The following RPS6KA2 variants were observed in gnomAD, a reference collection of about 807,000 sequenced individuals.
RPS6KA2 encodes the protein ribosomal protein S6 kinase alpha-2.
In RPS6KA2, 42 loss-of-function variants were observed where a neutral mutation model predicts 91.8. The observed-to-expected ratio is 0.46, with a 90% CI of 0.36 to 0.59. The LOEUF (loss-of-function observed/expected upper bound fraction) is 0.59, where lower values mean the gene tolerates loss of function less well. Ranked by LOEUF, RPS6KA2 falls within the 20% of genes least tolerant of loss-of-function variation. The probability of loss-of-function intolerance (pLI) is 0.00; values close to 1 mark genes in which losing one functional copy is unlikely to be tolerated. For missense variants in RPS6KA2, 798 were observed against 978.5 expected (o/e 0.82, Z 2.46); for synonymous variants, 414 against 393.6 (o/e 1.05, Z -0.61).
At chr6:166,475,313 C>T (rs1319484796) in intron 10 of RPS6KA2, among the ~76,000 whole-genome samples, 1 of 152,228 alleles carries the variant, frequency 6.6e-6, no homozygotes, top group Non-Finnish European at 1.5e-5. Context: ...CCCACGCTCA[C>T]CACACCCACT....
At chr6:166,550,511 C>T (rs1783966089) in intron 1 of RPS6KA2, among the ~76,000 whole-genome samples, 1 of 152,190 alleles carries the variant, frequency 6.6e-6, no homozygotes, top group Admixed American at 6.5e-5. Flanking sequence ...ACAGATTCCT[C>T]CCGTGCATGA....
intron 1 of RPS6KA2, among the ~76,000 whole-genome samples, chr6:166,621,124 A>G (rs994597310): frequency 9.2e-5 from 14 of 152,270 alleles, no homozygotes; most frequent in Non-Finnish European, 1.8e-4. Context: ...CTCTCATATC[A>G]GTAGCATTCT....
intron 10 of RPS6KA2, among the ~76,000 whole-genome samples, chr6:166,486,336 G>A (rs1392430634): frequency 6.6e-6 from 1 of 152,120 alleles, no homozygotes; most frequent in African/African-American, 2.4e-5. Context: ...TGGGCCCTCT[G>A]TCCTGATCAG....
chr6:166,701,839 T>C, intron 2 of RPS6KA2: 1 of 899,960 alleles, frequency 1.1e-6, no homozygotes, highest in Non-Finnish European at 1.8e-6. Context: ...CAACATTGCC[T>C]TTAGCTGTAA....
chr6:166,741,939 C>T (rs1790829084), intron 2 of RPS6KA2, among the ~76,000 whole-genome samples: 1 of 152,162 alleles, frequency 6.6e-6, no homozygotes, highest in South Asian at 2.1e-4. Flanking sequence ...CCACCCCGGC[C>T]AACATAGTGA....
At chr6:166,628,531 C>G (rs979565310), upstream of RPS6KA2, among the ~76,000 whole-genome samples, 14 of 152,246 alleles carry the variant, frequency 9.2e-5, no homozygotes, top group African/African-American at 3.4e-4. Flanking sequence ...GTAGAGAGGT[C>G]AGAATGTCCT....
intron 1 of RPS6KA2, among the ~76,000 whole-genome samples, chr6:166,597,057 G>C: frequency 6.6e-6 from 1 of 152,306 alleles, no homozygotes; most frequent in Middle Eastern, 3.4e-3. Context: ...GAAAGGACAC[G>C]GGGAGGGGCC....
At chr6:166,590,283 T>C (rs1356299931) in intron 1 of RPS6KA2, among the ~76,000 whole-genome samples, 1 of 152,204 alleles carries the variant, frequency 6.6e-6, no homozygotes, top group African/African-American at 2.4e-5. Context: ...CAGTAGGCTT[T>C]GAGGAGCAAG....
intron 2 of RPS6KA2, among the ~76,000 whole-genome samples, chr6:166,790,169 G>A (rs891957131): frequency 2.6e-5 from 4 of 152,210 alleles, no homozygotes; most frequent in African/African-American, 9.7e-5. Flanking sequence ...AGTCCTTAAA[G>A]GAGCTGATGG....
At chr6:166,788,766 T>C (rs1778997924) in intron 2 of RPS6KA2, among the ~76,000 whole-genome samples, 1 of 152,148 alleles carries the variant, frequency 6.6e-6, no homozygotes, top group African/African-American at 2.4e-5. Context: ...GACAGGTTGA[T>C]AGGTACAGCA....
chr6:166,783,220 T>TGGAACTACAAGCAGGAGCC lies in RPS6KA2; in HGVS notation c.123+74961_123+74979dup, dbSNP rs1264388890. ...CCTCCCGCCTCAGCCTTCCAGGAGCTGGAACTACAAGCAGGAGCCACGTGA... is the reference window on the plus strand; with the variant it reads ...CCTCCCGCCTCAGCCTTCCAGGAGCTGGAACTACAAGCAGGAGCCGGAACTACAAGCAGGAGCCACGTGA... On this transcript the variant is annotated intron_variant, in intron 2 of 21. Coordinates refer to the RPS6KA2 transcript ENST00000503859. Among the ~76,000 whole-genome samples the TGGAACTACAAGCAGGAGCC allele has an allele frequency of 3.1e-4, 47 of 151,830 alleles. No homozygotes were observed. In the South Asian group the frequency reaches 5.2e-3, roughly 17 times the overall value.
intron 2 of RPS6KA2, among the ~76,000 whole-genome samples, chr6:166,844,290 C>G (rs1046149652): frequency 3.3e-5 from 5 of 152,160 alleles, no homozygotes; most frequent in African/African-American, 1.2e-4. Context: ...GCATCCAAAC[C>G]TAAGAATAAT....
At chr6:166,497,971 T>C (rs925699646) in intron 8 of RPS6KA2, among the ~76,000 whole-genome samples, 31 of 151,830 alleles carry the variant, frequency 2.0e-4, no homozygotes, top group African/African-American at 4.1e-4. Flanking sequence ...GAGAGTGGGA[T>C]TGGGGGAGGG....
chr6:166,659,706 C>A (rs540154474), intron 2 of RPS6KA2, among the ~76,000 whole-genome samples: 2 of 152,138 alleles, frequency 1.3e-5, no homozygotes, highest in South Asian at 4.1e-4. Context: ...TCAGTGGACA[C>A]GGGTGGGAGC....
In RPS6KA2 at chr6:166,531,647, T is replaced by C. The variant is rs149620443; in HGVS notation, c.217-334A>G. Among the ~76,000 whole-genome samples the C allele has an allele frequency of 8.1e-4, 124 of 152,338 alleles. 2 individuals are homozygous for C. The East Asian group carries it at 0.022, about 27-fold the overall frequency. Reference sequence around the variant, plus strand: ...AACAGGAGTTTTAAGGGAGATCCTTTGGTTTGAGTATCCCTCTGTAAATCC... The same window carrying C: ...AACAGGAGTTTTAAGGGAGATCCTTCGGTTTGAGTATCCCTCTGTAAATCC... On this transcript the variant is annotated intron_variant, in intron 2 of 20. Coordinates refer to ENST00000265678, the MANE Select transcript of RPS6KA2 (RefSeq NM_021135.6).
chr6:166,609,313 A>T (rs188492567), intron 1 of RPS6KA2, among the ~76,000 whole-genome samples: 1 of 152,176 alleles, frequency 6.6e-6, no homozygotes, highest in East Asian at 1.9e-4. Flanking sequence ...AAATGGCAGA[A>T]CCTTGATTTA....
At chr6:166,479,517 C>A (rs1457985917) in intron 10 of RPS6KA2, among the ~76,000 whole-genome samples, 1 of 152,128 alleles carries the variant, frequency 6.6e-6, no homozygotes, top group African/African-American at 2.4e-5. Flanking sequence ...TGCTAACTGC[C>A]AGGTGAGGTG....
intron 2 of RPS6KA2, among the ~76,000 whole-genome samples, chr6:166,654,386 T>A (rs1363450711): frequency 6.6e-6 from 1 of 152,012 alleles, no homozygotes; most frequent in African/African-American, 2.4e-5. Context: ...CGGGCCCCAC[T>A]GCCGGCCGGG....
chr6:166,539,216 C>T (rs775531645), intron 1 of RPS6KA2, among the ~76,000 whole-genome samples: 1 of 152,350 alleles, frequency 6.6e-6, no homozygotes, highest in East Asian at 1.9e-4. Context: ...CCCCGCCCGG[C>T]CCATTTAGTT....
Sources: gnomAD v4.1 joint callset for allele counts (sites outside exome capture counted in the v4.1 genomes callset) on GRCh38, gnomAD v4.1.1 for gene constraint, MANE v1.5 for transcripts, NCBI Gene and HGNC (gene_info 2026-07-23, HGNC 2026-07-21) for gene names.